KCTD8: variants seen among roughly 807,000 people sequenced by gnomAD.
KCTD8 encodes potassium channel tetramerization domain containing 8, also known as BTB/POZ domain-containing protein KCTD8.
A neutral mutation model predicts 31.5 loss-of-function variants in KCTD8; 27 were observed. That is an observed-to-expected ratio of 0.86 (90% CI 0.63 to 1.18). KCTD8 has a LOEUF of 1.18. Ranked by LOEUF, KCTD8 falls within the 50% of genes most tolerant of loss-of-function variation. The probability of loss-of-function intolerance (pLI) is 0.00; values close to 1 mark genes in which losing one functional copy is unlikely to be tolerated. For missense variants in KCTD8, 658 were observed against 647.7 expected, an observed-to-expected ratio of 1.02 and a Z score of -0.17; for synonymous variants, 290 against 280.0, an observed-to-expected ratio of 1.04 and a Z score of -0.36.
chr4:44,444,856 A>C (rs1458737571), intron 1 of KCTD8, among the ~76,000 whole-genome samples: 1 of 152,198 alleles, frequency 6.6e-6, no homozygotes, highest in East Asian at 1.9e-4. Context: ...TCAACTACTA[A>C]GTTCACATGT....
At chr4:44,395,100 T>A (rs1720464734) in intron 1 of KCTD8, among the ~76,000 whole-genome samples, 1 of 152,058 alleles carries the variant, frequency 6.6e-6, no homozygotes, top group Non-Finnish European at 1.5e-5. Context: ...CCAGAAGACT[T>A]CCTCCAATGG....
chr4:44,333,785 A>T (rs543834452), intron 1 of KCTD8, among the ~76,000 whole-genome samples: 20 of 152,130 alleles, frequency 1.3e-4, no homozygotes, highest in Non-Finnish European at 2.6e-4. Context: ...TGGAAAGAAA[A>T]GTTTTAAATG....
At chr4:44,446,041 A>T (rs994897159) in intron 1 of KCTD8, among the ~76,000 whole-genome samples, 3 of 152,220 alleles carry the variant, frequency 2.0e-5, no homozygotes, top group Non-Finnish European at 4.4e-5. Flanking sequence ...CTTCCAATTC[A>T]GTGGACAGAC....
intron 1 of KCTD8, among the ~76,000 whole-genome samples, chr4:44,176,307 G>C (rs984736521): frequency 6.6e-6 from 1 of 152,004 alleles, no homozygotes; most frequent in African/African-American, 2.4e-5. Context: ...CTAATTTCGG[G>C]GGTCTAACCT....
intron 1 of KCTD8, among the ~76,000 whole-genome samples, chr4:44,378,546 TG>T (rs1313179857): frequency 6.6e-6 from 1 of 152,064 alleles, no homozygotes; most frequent in East Asian, 1.9e-4. Flanking sequence ...TATCATATTA[TG>T]GTGGAATGAT....
intron 1 of KCTD8, among the ~76,000 whole-genome samples, chr4:44,251,386 A>G (rs1181455596): frequency 2.0e-5 from 3 of 151,684 alleles, no homozygotes; most frequent in Non-Finnish European, 4.4e-5. Context: ...ATTCGAAATA[A>G]TTTGAATATA....
intron 1 of KCTD8, among the ~76,000 whole-genome samples, chr4:44,311,226 T>C (rs949920436): frequency 1.3e-5 from 2 of 152,096 alleles, no homozygotes; most frequent in African/African-American, 2.4e-5. Context: ...TACCCATAAT[T>C]TAAATGACAA....
chr4:44,349,989 C>G (rs1324821540), intron 1 of KCTD8, among the ~76,000 whole-genome samples: 1 of 152,142 alleles, frequency 6.6e-6, no homozygotes, highest in Non-Finnish European at 1.5e-5. Flanking sequence ...TTATTTCCAT[C>G]TACCACTGAC....
intron 1 of KCTD8, among the ~76,000 whole-genome samples, chr4:44,316,069 A>AT (rs773518083): frequency 1.3e-3 from 195 of 151,598 alleles, no homozygotes; most frequent in Non-Finnish European, 2.3e-3. Context: ...TCTTTTTCCC[A>AT]TTTTTTTATT....
chr4:44,286,606 T>G (rs1364878537), intron 1 of KCTD8, among the ~76,000 whole-genome samples: 1 of 152,016 alleles, frequency 6.6e-6, no homozygotes, highest in Non-Finnish European at 1.5e-5. Flanking sequence ...AGAGGTAATA[T>G]CGAAGAAAAG....
rs561856031 is a variant in KCTD8 at position 44,417,365 on chromosome 4, C to T, written c.961+30198G>A. Among the ~76,000 whole-genome samples the T allele has an allele frequency of 9.2e-5, 14 of 152,244 alleles. No homozygotes were observed. The South Asian group carries it at 1.5e-3, about 16-fold the overall frequency. On this transcript the variant is annotated intron_variant, in intron 1 of 1. Coordinates refer to ENST00000360029, the MANE Select transcript of KCTD8 (RefSeq NM_198353.3). Reference sequence around the variant, plus strand: ...AAATTATAGCTCACAGGATACTACTCGCTAGGAGACCACTTCATCTACCCA... The same window carrying T: ...AAATTATAGCTCACAGGATACTACTTGCTAGGAGACCACTTCATCTACCCA...
intron 1 of KCTD8, among the ~76,000 whole-genome samples, chr4:44,202,518 T>C (rs1280024181): frequency 6.6e-6 from 1 of 152,174 alleles, no homozygotes; most frequent in Non-Finnish European, 1.5e-5. Flanking sequence ...TAAGCAATTT[T>C]ATGCAGAAAC....
intron 1 of KCTD8, among the ~76,000 whole-genome samples, chr4:44,338,904 A>C (rs547526866): frequency 6.6e-6 from 1 of 152,182 alleles, no homozygotes; most frequent in Admixed American, 6.5e-5. Context: ...CCTTATAGAC[A>C]CACATGAAAA....
intron 1 of KCTD8, among the ~76,000 whole-genome samples, chr4:44,250,993 A>G (rs1329480287): frequency 6.6e-6 from 1 of 151,664 alleles, no homozygotes; most frequent in East Asian, 1.9e-4. Context: ...ATTATTTTAC[A>G]TTTCAAGATC....
chr4:44,272,397 C>T (rs527344857), intron 1 of KCTD8, among the ~76,000 whole-genome samples: 4 of 151,854 alleles, frequency 2.6e-5, no homozygotes, highest in East Asian at 1.9e-4. Flanking sequence ...CTTGTCCCAT[C>T]GCTCATACTT....
intron 1 of KCTD8, among the ~76,000 whole-genome samples, chr4:44,280,437 C>A (rs549698052): frequency 6.6e-6 from 1 of 152,124 alleles, no homozygotes; most frequent in East Asian, 1.9e-4. Context: ...GAGCTGCATC[C>A]TTTTCTCAAA....
intron 1 of KCTD8, among the ~76,000 whole-genome samples, chr4:44,263,230 A>G (rs550959473): frequency 6.6e-5 from 10 of 152,292 alleles, no homozygotes; most frequent in African/African-American, 2.4e-4. Flanking sequence ...TCTAGTTAAC[A>G]TGGATTTCTG....
At chr4:44,266,693 A>G (rs796523225) in intron 1 of KCTD8, among the ~76,000 whole-genome samples, 1 of 151,790 alleles carries the variant, frequency 6.6e-6, no homozygotes. Flanking sequence ...AAAAGGATGG[A>G]GGAAGATCTA....
At chr4:44,281,648 C>A (rs1339408856) in intron 1 of KCTD8, among the ~76,000 whole-genome samples, 4 of 152,056 alleles carry the variant, frequency 2.6e-5, no homozygotes, top group African/African-American at 9.7e-5. Flanking sequence ...TTTCCACTAT[C>A]ATTTAATTAG....
Sources: gnomAD v4.1 joint callset for allele counts (sites outside exome capture counted in the v4.1 genomes callset) on GRCh38, gnomAD v4.1.1 for gene constraint, MANE v1.5 for transcripts, NCBI Gene and HGNC (gene_info 2026-07-23, HGNC 2026-07-21) for gene names.